TAB1: variants seen among roughly 807,000 people sequenced by gnomAD.
TAB1 encodes the protein TGF-beta activated kinase 1 (MAP3K7) binding protein 1, also known as TGF-beta-activated kinase 1 and MAP3K7-binding protein 1.
TAB1 carries 30 observed loss-of-function variants against 54.5 expected under a neutral mutation model. The observed-to-expected ratio is 0.55, with a 90% confidence interval of 0.41 to 0.75. The LOEUF (loss-of-function observed/expected upper bound fraction) is 0.75, where lower values mean the gene tolerates loss of function less well. Among genes scored for constraint, TAB1 ranks in the 30% least tolerant of loss-of-function variants. The pLI is 0.00. For synonymous variants in TAB1, 289 were observed against 286.9 expected (o/e 1.01, Z -0.07); for missense variants, 609 against 683.2 (o/e 0.89, Z 1.21).
rs745408814 is a variant in TAB1, at chr22:39,415,547, G to A, written c.218G>A (p.Gly73Asp). 1.2e-6 allele frequency: 2 copies of A among 1,614,206 alleles called. No homozygotes were observed. The highest frequency in any genetic ancestry group is 1.7e-6 in the Non-Finnish European group (2 of 1,180,038). Residue 73 changes from glycine to aspartate, a missense_variant, in exon 3 of 11, where the codon GGC becomes GAC. Coordinates refer to ENST00000216160, the MANE Select transcript of TAB1 (RefSeq NM_006116.3). This position sits in a 1 kb window ranked among gnomAD's most constrained non-coding sequence, Gnocchi z 4.9. ...FLYGVFNGYD[G>D]NRVTNFVAQR... ...TATGGGGTCTTCAACGGCTATGATG[G>A]CAACCGAGTGACCAACTTCGTGGCC...
intron 8 of TAB1, 58 bp from the exon 9 acceptor site, chr22:39,426,645 C>T (rs1376893682): frequency 6.8e-7 from 1 of 1,459,964 alleles, no homozygotes; most frequent in African/African-American, 1.4e-5. Context: ...AGATTATGGC[C>T]CATGCCCCCC....
intron 1 of TAB1, among the ~76,000 whole-genome samples, chr22:39,412,936 A>G (rs1442881673): frequency 8.7e-6 from 1 of 115,348 alleles, no homozygotes; most frequent in African/African-American, 3.4e-5. Flanking sequence ...TTTTTTTGAG[A>G]TGGAGTCTCG....
chr22:39,407,095 A>G (rs1909272373), intron 1 of TAB1, among the ~76,000 whole-genome samples: 1 of 152,248 alleles, frequency 6.6e-6, no homozygotes, highest in Admixed American at 6.5e-5. Context: ...AATTCGACTG[A>G]TATAAATTTA....
At chr22:39,421,639 T>G in intron 7 of TAB1, 188 bp from the exon 8 acceptor site, 4 of 648,052 alleles carry the variant, frequency 6.2e-6, no homozygotes, top group South Asian at 2.0e-5. Context: ...CTTCCAAGCT[T>G]TATTTTAGCA....
intron 7 of TAB1, 27 bp from the exon 8 acceptor site, chr22:39,421,800 G>A: frequency 1.2e-6 from 2 of 1,613,412 alleles, no homozygotes; most frequent in East Asian, 2.2e-5. Flanking sequence ...TCCAAGCAAA[G>A]CTCTTCCTTC....
At chr22:39,408,269 GAC>G (rs1411661241) in intron 1 of TAB1, among the ~76,000 whole-genome samples, 2 of 152,240 alleles carry the variant, frequency 1.3e-5, no homozygotes, top group African/African-American at 4.8e-5. Flanking sequence ...ATTGCCGTCA[GAC>G]ACACAGTTTT....
chr22:39,418,004 C>G (rs1438541896), intron 5 of TAB1, among the ~76,000 whole-genome samples, 155 bp downstream of exon 5: 1 of 152,228 alleles, frequency 6.6e-6, no homozygotes, highest in Non-Finnish European at 1.5e-5. Context: ...ACAGTGACGC[C>G]TCAGTCCCAA....
intron 7 of TAB1, 43 bp from the exon 8 acceptor site, chr22:39,421,784 G>A: frequency 6.2e-7 from 1 of 1,611,306 alleles, no homozygotes. Context: ...TCCACCTGCG[G>A]GCTGTTCCAA....
intron 10 of TAB1, chr22:39,429,027 GTCC>G (rs1231311994): frequency 8.2e-6 from 8 of 980,792 alleles, no homozygotes; most frequent in Non-Finnish European, 9.7e-6. Context: ...GCCTGGAGGA[GTCC>G]TCCAGCTGTG....
At chr22:39,427,186 T>C (rs977124537) in intron 9 of TAB1, among the ~76,000 whole-genome samples, 5 of 152,222 alleles carry the variant, frequency 3.3e-5, no homozygotes, top group African/African-American at 1.2e-4. Context: ...CACAGAGCCC[T>C]GAAGCCACAT....
chr22:39,434,236 C>T (rs1214802096), downstream of TAB1, among the ~76,000 whole-genome samples: 3 of 152,248 alleles, frequency 2.0e-5, no homozygotes, highest in Non-Finnish European at 2.9e-5. Flanking sequence ...GAGCGTTAGC[C>T]GAGATGTCCA....
downstream of TAB1, chr22:39,436,766 G>C (rs1927801914): frequency 3.4e-6 from 2 of 593,402 alleles, no homozygotes; most frequent in Non-Finnish European, 6.0e-6. Context: ...CCATCCTTCA[G>C]GACCCAGCTC....
At chr22:39,420,388 ATG>A (rs1569198951) in intron 7 of TAB1, among the ~76,000 whole-genome samples, 1 of 152,180 alleles carries the variant, frequency 6.6e-6, no homozygotes, top group Non-Finnish European at 1.5e-5. Flanking sequence ...GGTAACCTGT[ATG>A]TGAAGTGTTG....
chr22:39,430,403 A>T lies in TAB1; in HGVS notation c.*181A>T, dbSNP rs1375698497. The T allele has an allele frequency of 6.9e-7, 1 of 1,439,874 alleles. No homozygotes were observed. The highest frequency in any genetic ancestry group is 1.4e-5 in the African/African-American group (1 of 70,242). The allele number at this position is 1,439,874 out of a possible 1,614,324, so 89.2% of individuals were successfully genotyped here. A position where few individuals can be genotyped will look rare whatever the true frequency, so the allele number is the denominator to read the frequency against. On this transcript the variant is annotated 3_prime_UTR_variant, in exon 11 of 11. Coordinates refer to ENST00000216160, the MANE Select transcript of TAB1 (RefSeq NM_006116.3). ...TGAGTGCAGACTGGACCTGTGGTTC[A>T]TACCTTGTCACCACCCGGGAAGCTG...
Position 39,415,622 on chromosome 22 carries a change from C to T in TAB1, c.293C>T (p.Ala98Val), listed in dbSNP as rs1286866325. The change falls in exon 3 of 11, where the codon GCC (alanine) becomes GTC (valine). Residue 98 changes from alanine (A) to valine (V), a missense_variant. By Grantham distance (64) the Ala-to-Val change is moderately conservative. Transcript: ENST00000216160. This position sits in a 1 kb window ranked among gnomAD's most constrained non-coding sequence, Gnocchi z 4.9. Reference sequence around the variant, plus strand: ...CTGGGCCAGCTGAATGCCGAGCACGCCGAGGCCGATGTGCGGCGTGTGCTG... The same window carrying T: ...CTGGGCCAGCTGAATGCCGAGCACGTCGAGGCCGATGTGCGGCGTGTGCTG... ...LLLGQLNAEH[A>V]EADVRRVLLQ... 2.5e-6 allele frequency: 4 copies of T among 1,612,924 alleles called. No homozygotes were observed. In the Admixed American group the frequency reaches 6.7e-5, roughly 27 times the overall value.
At chr22:39,418,950 G>A in intron 6 of TAB1, 105 bp downstream of exon 6, 1 of 900,480 alleles carries the variant, frequency 1.1e-6, no homozygotes, top group Non-Finnish European at 1.8e-6. Context: ...TGTGATCTTG[G>A]GCTCCCCAGC....
At chr22:39,436,662 C>A, downstream of TAB1, 1 of 1,056,810 alleles carries the variant, frequency 9.5e-7, no homozygotes, top group Non-Finnish European at 1.5e-6. Context: ...GGGATCTTCT[C>A]GTGCCAGGCC....
Position 39,430,967 on chromosome 22 carries a change from C to T in TAB1, c.*745C>T, listed in dbSNP as rs927883944. ...TGGCCCCGGTGGGCTGAGGCAGGGG[C>T]CGCTGTCGTCAGGCCTGAGCCAGGG... On this transcript the variant is annotated 3_prime_UTR_variant, in exon 11 of 11. Coordinates refer to ENST00000216160, the MANE Select transcript of TAB1 (RefSeq NM_006116.3). 1 of 986,910 alleles carries T rather than the reference C, an allele frequency of 1.0e-6. No individual in the cohort carries two copies. Among genetic ancestry groups the T allele is most frequent in the Non-Finnish European group, 1.2e-6 (1 of 830,966 alleles). 61.1% of individuals were successfully genotyped at this position (986,910 alleles called of 1,614,324 possible).
intron 1 of TAB1, among the ~76,000 whole-genome samples, chr22:39,407,840 TC>T (rs2089465910): frequency 6.6e-6 from 1 of 152,116 alleles, no homozygotes; most frequent in South Asian, 2.1e-4. Context: ...CAGGATGGTC[TC>T]AATCTCTTGA....
Sources: gnomAD v4.1 joint callset for allele counts (sites outside exome capture counted in the v4.1 genomes callset) on GRCh38, gnomAD v4.1.1 for gene constraint, Gnocchi (gnomAD v3.1) non-coding constraint, MANE v1.5 for transcripts, NCBI Gene and HGNC (gene_info 2026-07-23, HGNC 2026-07-21) for gene names.